CRNN: variants seen among roughly 807,000 people sequenced by gnomAD.
The protein encoded by CRNN is 53 kDa putative calcium-binding protein.
CRNN carries 39 observed loss-of-function variants against 44.7 expected under a neutral mutation model. The observed-to-expected ratio is 0.87, with a 90% CI of 0.68 to 1.14. The LOEUF is 1.14. Among genes scored for constraint, CRNN ranks in the 50% most tolerant of loss-of-function variants. The pLI, the probability that CRNN is intolerant of heterozygous loss-of-function variation, is 0.00. For synonymous variants in CRNN, 240 were observed against 231.8 expected, an observed-to-expected ratio of 1.04 and a Z score of -0.32; for missense variants, 606 against 605.1, an observed-to-expected ratio of 1.00 and a Z score of -0.02.
At position 152,409,829 on chromosome 1, in the gene CRNN, C is replaced by T. The variant is rs1655694898; in HGVS notation, c.1253G>A (p.Ser418Asn). Residue 418 changes from serine to asparagine, a missense_variant, in exon 3 of 3, where the codon AGC (serine) becomes AAC (asparagine). Coordinates refer to ENST00000271835, the MANE Select transcript of CRNN (RefSeq NM_016190.3). Reference sequence around the variant, plus strand: ...CACACAGCGCCTTGGGTGAGTGCTGCTCCACTCCTGCCTTCCTGACTCAGT... The same window carrying T: ...CACACAGCGCCTTGGGTGAGTGCTGTTCCACTCCTGCCTTCCTGACTCAGT... ...ASTESGRQEWSSTHPRRCVTE... is the reference protein window; with the variant it reads ...ASTESGRQEWNSTHPRRCVTE... 1 of 1,614,196 alleles carries T rather than the reference C, an allele frequency of 6.2e-7. No homozygotes were observed. The highest frequency in any genetic ancestry group is 8.5e-7 in the Non-Finnish European group (1 of 1,180,026).
chr1:152,410,952 A>C lies in CRNN; in HGVS notation c.139-9T>G. The stretch of plus-strand genomic sequence containing the variant: ...GCTGGATCGTGGGGTTTCTGAGGAG[A>C]AGATGAGGTGGAGTCAGCATCCCTC... On this transcript the variant is annotated splice_polypyrimidine_tract_variant and intron_variant, in intron 2 of 2. Transcript: ENST00000271835. 1.3e-6 allele frequency: 2 copies of C among 1,594,228 alleles called. No homozygotes were observed. The highest frequency in any genetic ancestry group is 1.7e-6 in the Non-Finnish European group (2 of 1,170,958).
chr1:152,410,980 C>A, intron 2 of CRNN, 37 bp from the exon 3 acceptor site: 2 of 1,561,288 alleles, frequency 1.3e-6, no homozygotes, highest in Non-Finnish European at 1.7e-6. Context: ...CATCCCTCCC[C>A]TGAGGAGGAC....
rs1655718542 is a variant in CRNN at position 152,410,393 on chromosome 1, G to A, written c.689C>T (p.Ser230Phe). The change falls in exon 3 of 3, where the codon TCT becomes TTT. Residue 230 changes from serine (S) to phenylalanine (F), a missense_variant. Physicochemically the swap from Ser to Phe is radical, Grantham distance 155 (BLOSUM62 -2). Transcript: ENST00000271835. The stretch of plus-strand genomic sequence containing the variant: ...GGCACCTGCCTGGGTCTGAGTTCCA[G>A]ATCCAGTCACAGTCTCACCTGTCTG... Reference protein sequence around the residue: ...AHQTGETVTGSGTQTQAGATQ... With the variant: ...AHQTGETVTGFGTQTQAGATQ... 6.2e-7 allele frequency: 1 copy of A among 1,614,176 alleles called. No individual in the cohort carries two copies. The highest frequency in any genetic ancestry group is 8.5e-7 in the Non-Finnish European group (1 of 1,180,028).
In CRNN at chr1:152,409,518, C is replaced by T; in HGVS notation, c.*76G>A. 2 of 1,533,856 alleles carry T rather than the reference C, an allele frequency of 1.3e-6. No individual in the cohort carries two copies. The highest frequency in any genetic ancestry group is 1.8e-6 in the Non-Finnish European group (2 of 1,142,282). ...GAGCTGATGTCCAGGGATGCACCCA[C>T]TGGATTGGCCATGCAGGACAAGCCA... On this transcript the variant is annotated 3_prime_UTR_variant, in exon 3 of 3. Coordinates refer to ENST00000271835, the MANE Select transcript of CRNN (RefSeq NM_016190.3).
In CRNN at chr1:152,409,444, C is replaced by T; in HGVS notation, c.*150G>A. ...AGAGTTCAGGATAGAAAGCTCCTTG[C>T]AGAAATTATCTCATTGAGAAAGACC... is the stretch of plus-strand genomic sequence containing the variant. On this transcript the variant is annotated 3_prime_UTR_variant, in exon 3 of 3. Coordinates refer to ENST00000271835, the MANE Select transcript of CRNN (RefSeq NM_016190.3). 1 of 1,385,384 alleles carries T rather than the reference C, an allele frequency of 7.2e-7. No individual in the cohort carries two copies. Among genetic ancestry groups the T allele is most frequent in the Admixed American group, 2.8e-5 (1 of 35,700 alleles). The allele number at this position is 1,385,384 out of a possible 1,614,324, so 85.8% of individuals were successfully genotyped here. A position where few individuals can be genotyped will look rare whatever the true frequency, so the allele number is the denominator to read the frequency against.
Position 152,410,217 on chromosome 1 carries a change from T to C in CRNN, c.865A>G (p.Ile289Val). 1 of 1,613,214 alleles carries C rather than the reference T, an allele frequency of 6.2e-7. No homozygotes were observed. The highest frequency in any genetic ancestry group is 8.5e-7 in the Non-Finnish European group (1 of 1,179,878). Reference sequence around the variant, plus strand: ...GTCTGGGTGTGTGTCCCTGCCTGTATCTGAGCATGTCCTCCTGTCACAGCC... The same window carrying C: ...GTCTGGGTGTGTGTCCCTGCCTGTACCTGAGCATGTCCTCCTGTCACAGCC... Reference protein sequence around the residue: ...SQAVTGGHAQIQAGTHTQTPT... With the variant: ...SQAVTGGHAQVQAGTHTQTPT... The change falls in exon 3 of 3, where the codon ATA becomes GTA. Residue 289 changes from isoleucine to valine, a missense_variant. By Grantham distance (29) the Ile-to-Val change is conservative. Transcript: ENST00000271835.
rs1289187627 is a variant in CRNN, at chr1:152,410,257, C to T, written c.825G>A (p.Arg275=). 4.3e-6 allele frequency: 7 copies of T among 1,613,786 alleles called. No homozygotes were observed. In the East Asian group the frequency reaches 1.6e-4, roughly 36 times the overall value. The stretch of plus-strand genomic sequence containing the variant: ...CTGTCACAGCCTGGCTGGTCTGGCT[C>T]CTGCCTTGACCGTGGGTCTCAGTCC... The part of the protein sequence containing the change: ...NRGTETHGQG[R]SQTSQAVTGG... The change falls in exon 3 of 3, where the codon AGG becomes AGA. Residue 275 remains arginine, a synonymous_variant. Transcript: ENST00000271835.
At position 152,410,644 on chromosome 1, in the gene CRNN, C is replaced by T; in HGVS notation, c.438G>A (p.Gly146=). 1 of 1,614,100 alleles carries T rather than the reference C, an allele frequency of 6.2e-7. No homozygotes were observed. Among genetic ancestry groups the T allele is most frequent in the Non-Finnish European group, 8.5e-7 (1 of 1,180,004 alleles). The change falls in exon 3 of 3, where the codon GGG becomes GGA. Residue 146 remains glycine, a synonymous_variant. Transcript: ENST00000271835. The part of the protein sequence containing the change: ...SHRQSQQGSR[G]QNRPGVQTQG... Reference sequence around the variant, plus strand: ...GGGTCTGAACCCCAGGCCTGTTCTGCCCTCTGGAACCCTGCTGGCTCTGTC... The same window carrying T: ...GGGTCTGAACCCCAGGCCTGTTCTGTCCTCTGGAACCCTGCTGGCTCTGTC...
At position 152,410,192 on chromosome 1, in the gene CRNN, G is replaced by A; in HGVS notation, c.890C>T (p.Thr297Ile). 6.2e-7 allele frequency: 1 copy of A among 1,611,782 alleles called. No homozygotes were observed. The highest frequency in any genetic ancestry group is 8.5e-7 in the Non-Finnish European group (1 of 1,179,460). Reference sequence around the variant, plus strand: ...GTCCTGCTCCACGGTCTGGGTGGGTGTCTGGGTGTGTGTCCCTGCCTGTAT... The same window carrying A: ...GTCCTGCTCCACGGTCTGGGTGGGTATCTGGGTGTGTGTCCCTGCCTGTAT... ...AQIQAGTHTQ[T>I]PTQTVEQDSS... Residue 297 changes from threonine to isoleucine, a missense_variant, in exon 3 of 3, where the codon ACA (threonine) becomes ATA (isoleucine). Thr to Ile is a moderately conservative substitution (Grantham distance 89, BLOSUM62 -1). Transcript: ENST00000271835.
rs777685624 is a variant in CRNN at position 152,410,665 on chromosome 1, C to A, written c.417G>T (p.Gln139His). The change falls in exon 3 of 3, where the codon CAG becomes CAT. Residue 139 changes from glutamine (Q) to histidine (H), a missense_variant. Physicochemically the swap from Gln to His is conservative, Grantham distance 24. Coordinates refer to ENST00000271835, the MANE Select transcript of CRNN (RefSeq NM_016190.3). ...GQHYEGSSHR[Q>H]SQQGSRGQNR... ...TCTGCCCTCTGGAACCCTGCTGGCTCTGTCTGTGGCTGCTCCCCTCATAAT... is the reference window on the plus strand; with the variant it reads ...TCTGCCCTCTGGAACCCTGCTGGCTATGTCTGTGGCTGCTCCCCTCATAAT... 2 of 1,614,078 alleles carry A rather than the reference C, an allele frequency of 1.2e-6. No homozygotes were observed. The highest frequency in any genetic ancestry group is 1.1e-5 in the South Asian group (1 of 91,076).
Position 152,410,121 on chromosome 1 carries a change from T to C in CRNN, c.961A>G (p.Thr321Ala), listed in dbSNP as rs1655708506. Reference sequence around the variant, plus strand: ...TCAGTCCCTCTGTTCTGGCCATTGGTGGACTCCTGTGTCTGGGTGCTGGTG... The same window carrying C: ...TCAGTCCCTCTGTTCTGGCCATTGGCGGACTCCTGTGTCTGGGTGCTGGTG... ...GSTSTQTQES[T>A]NGQNRGTEIH... Residue 321 changes from threonine (T) to alanine (A), a missense_variant, in exon 3 of 3, where the codon ACC (threonine) becomes GCC (alanine). Transcript: ENST00000271835. 1.9e-6 allele frequency: 3 copies of C among 1,613,676 alleles called. No individual in the cohort carries two copies. The highest frequency in any genetic ancestry group is 2.5e-6 in the Non-Finnish European group (3 of 1,179,882).
rs776277743 is a variant in CRNN, at chr1:152,410,740, G to T, written c.342C>A (p.Gly114=). ...SLHSGASQEL[G]EGQRSGTEVG... is the part of the protein sequence containing the mutation. ...CTTCAGTGCCACTTCTCTGTCCTTC[G>T]CCCAGCTCCTGCGAGGCCCCAGAGT... Residue 114 remains glycine, a synonymous_variant, in exon 3 of 3, where the codon GGC becomes GGA. Coordinates refer to ENST00000271835, the MANE Select transcript of CRNN (RefSeq NM_016190.3). The T allele has an allele frequency of 5.9e-5, 95 of 1,613,904 alleles. No individual in the cohort carries two copies. The South Asian group carries it at 9.0e-4, about 15-fold the overall frequency.
chr1:152,409,543 A>C lies in CRNN; in HGVS notation c.*51T>G. On this transcript the variant is annotated 3_prime_UTR_variant, in exon 3 of 3. Transcript: ENST00000271835. Reference sequence around the variant, plus strand: ...CTGGATTGGCCATGCAGGACAAGCCAAACTCTCTCCAGCTGTCTTCTTCCA... The same window carrying C: ...CTGGATTGGCCATGCAGGACAAGCCCAACTCTCTCCAGCTGTCTTCTTCCA... 4.5e-6 allele frequency: 7 copies of C among 1,565,396 alleles called. No homozygotes were observed. Among genetic ancestry groups the C allele is most frequent in the Non-Finnish European group, 6.1e-6 (7 of 1,154,962 alleles).
At position 152,409,417 on chromosome 1, in the gene CRNN, G is replaced by T; in HGVS notation, c.*177C>A. ...TCTGCACCGCAAAGCAGGTAAGAAA[G>T]AAGAGTTCAGGATAGAAAGCTCCTT... On this transcript the variant is annotated 3_prime_UTR_variant, in exon 3 of 3. Coordinates refer to ENST00000271835, the MANE Select transcript of CRNN (RefSeq NM_016190.3). 1.7e-6 allele frequency: 2 copies of T among 1,202,032 alleles called. No homozygotes were observed. Among genetic ancestry groups the T allele is most frequent in the South Asian group, 3.3e-5 (2 of 60,462 alleles). The allele number at this position is 1,202,032 out of a possible 1,614,324, so 74.5% of individuals were successfully genotyped here.
chr1:152,412,043 C>G, intron 2 of CRNN, 53 bp downstream of exon 2: 1 of 1,525,326 alleles, frequency 6.6e-7, no homozygotes, highest in Non-Finnish European at 8.9e-7. Context: ...GCAGGCAAAC[C>G]AGGTTTCACT....
Position 152,412,180 on chromosome 1 carries a change from A to G in CRNN, c.54T>C (p.Tyr18=), listed in dbSNP as rs1476878601. ...CTGTGCAGTTGCCCTCCGTCCTTGCATAGCGCCTGAAGGCCTCGATGATCC... is the reference window on the plus strand; with the variant it reads ...CTGTGCAGTTGCCCTCCGTCCTTGCGTAGCGCCTGAAGGCCTCGATGATCC... ...INGIIEAFRR[Y]ARTEGNCTAL... The change falls in exon 2 of 3, where the codon TAT becomes TAC. Residue 18 remains tyrosine, a synonymous_variant. Transcript: ENST00000271835. 2 of 1,613,618 alleles carry G rather than the reference A, an allele frequency of 1.2e-6. No individual in the cohort carries two copies. The highest frequency in any genetic ancestry group is 2.7e-5 in the African/African-American group (2 of 74,916).
In CRNN at chr1:152,410,584, G is replaced by A; in HGVS notation, c.498C>T (p.Ser166=). 6.2e-7 allele frequency: 1 copy of A among 1,614,116 alleles called. No individual in the cohort carries two copies. Among genetic ancestry groups the A allele is most frequent in the Non-Finnish European group, 8.5e-7 (1 of 1,180,038 alleles). The part of the protein sequence containing the change: ...GQATGSAWVS[S]YDRQAESQSQ... ...TCTGGGACTCAGCTTGCCTGTCATAGCTGCTGACCCACGCAGAGCCAGTGG... is the reference window on the plus strand; with the variant it reads ...TCTGGGACTCAGCTTGCCTGTCATAACTGCTGACCCACGCAGAGCCAGTGG... Residue 166 remains serine, a synonymous_variant, in exon 3 of 3, where the codon AGC becomes AGT. Coordinates refer to ENST00000271835, the MANE Select transcript of CRNN (RefSeq NM_016190.3).
At chr1:152,412,312 G>A (rs1169616460) in intron 1 of CRNN, 66 bp from the exon 2 acceptor site, 11 of 1,469,026 alleles carry the variant, frequency 7.5e-6, no homozygotes, top group Non-Finnish European at 4.7e-6. Context: ...TTTATAGCAC[G>A]TCTGCTGCTA....
rs1162369927 is a variant in CRNN at position 152,410,229 on chromosome 1, C to T, written c.853G>A (p.Gly285Arg). 1 of 1,613,394 alleles carries T rather than the reference C, an allele frequency of 6.2e-7. No individual in the cohort carries two copies. The highest frequency in any genetic ancestry group is 2.2e-5 in the East Asian group (1 of 44,856). The part of the protein sequence containing the change: ...RSQTSQAVTG[G>R]HAQIQAGTHT... Reference sequence around the variant, plus strand: ...GTCCCTGCCTGTATCTGAGCATGTCCTCCTGTCACAGCCTGGCTGGTCTGG... The same window carrying T: ...GTCCCTGCCTGTATCTGAGCATGTCTTCCTGTCACAGCCTGGCTGGTCTGG... The change falls in exon 3 of 3, where the codon GGA (glycine) becomes AGA (arginine). Residue 285 changes from glycine (G) to arginine (R), a missense_variant. Transcript: ENST00000271835.
Sources: gnomAD v4.1 joint callset for allele counts on GRCh38, gnomAD v4.1.1 for gene constraint, MANE v1.5 for transcripts, NCBI Gene and HGNC (gene_info 2026-07-23, HGNC 2026-07-21) for gene names.